PXMP2: variants seen among roughly 807,000 people sequenced by gnomAD.
PXMP2 encodes 22 kDa peroxisomal membrane protein.
A neutral mutation model predicts 20.2 loss-of-function variants in PXMP2; 13 were observed. The ratio of observed to expected loss-of-function variants is 0.64; its 90% CI spans 0.42 to 1.02. PXMP2 has a LOEUF of 1.02. Ranked by LOEUF, PXMP2 falls within the 50% of genes least tolerant of loss-of-function variation. The probability of loss-of-function intolerance (pLI) is 0.00; values close to 1 mark genes in which losing one functional copy is unlikely to be tolerated. For synonymous variants in PXMP2, 113 were observed against 111.2 expected (o/e 1.02, Z -0.10); for missense variants, 284 against 251.8 (o/e 1.13, Z -0.87).
intron 2 of PXMP2, among the ~76,000 whole-genome samples, chr12:132,693,677 G>T (rs75147887): frequency 1.9e-4 from 16 of 84,088 alleles, no homozygotes; most frequent in African/African-American, 3.9e-4. Context: ...GTTAGTGAGC[G>T]CCCTTGCCAG....
At chr12:132,689,241 G>A (rs1285655618) in intron 1 of PXMP2, among the ~76,000 whole-genome samples, 2 of 150,654 alleles carry the variant, frequency 1.3e-5, no homozygotes, top group Admixed American at 6.6e-5. Context: ...CCAGGGGAGC[G>A]GGTCCACATG....
At chr12:132,698,012 CTTTT>C (rs1434779260) in intron 3 of PXMP2, among the ~76,000 whole-genome samples, 1 of 140,242 alleles carries the variant, frequency 7.1e-6, no homozygotes, top group Non-Finnish European at 1.6e-5. Context: ...GACGTGTCAC[CTTTT>C]TTTTTTTTTT....
intron 1 of PXMP2, among the ~76,000 whole-genome samples, chr12:132,689,115 C>T (rs1431470251): frequency 2.3e-5 from 2 of 86,856 alleles, no homozygotes; most frequent in Non-Finnish European, 4.6e-5. Context: ...AAGACAGGGC[C>T]AAGGGAGCGG....
intron 3 of PXMP2, among the ~76,000 whole-genome samples, chr12:132,698,592 G>A (rs908210946): frequency 6.6e-6 from 1 of 152,122 alleles, no homozygotes; most frequent in Admixed American, 6.6e-5. Context: ...ATTTCCATCT[G>A]TACAGGCAAT....
At chr12:132,702,654 G>C (rs1349916058) in intron 4 of PXMP2, 1 of 196,274 alleles carries the variant, frequency 5.1e-6, no homozygotes. Context: ...AAAGACAGCA[G>C]CTGTGTGGAG....
intron 4 of PXMP2, 32 bp downstream of exon 4, chr12:132,701,401 A>AT: frequency 6.2e-7 from 1 of 1,607,436 alleles, no homozygotes; most frequent in Non-Finnish European, 8.5e-7. Context: ...CTCTGCTAAC[A>AT]TTACTTTGTC....
chr12:132,704,839 T>A lies in PXMP2; in HGVS notation c.*152T>A. 1.3e-6 allele frequency: 1 copy of A among 771,564 alleles called. No individual in the cohort carries two copies. Among genetic ancestry groups the A allele is most frequent in the Non-Finnish European group, 2.2e-6 (1 of 451,200 alleles). The allele number at this position is 771,564 out of a possible 1,614,324, so 47.8% of individuals were successfully genotyped here. A position where few individuals can be genotyped will look rare whatever the true frequency, so the allele number is the denominator to read the frequency against. On this transcript the variant is annotated 3_prime_UTR_variant, in exon 5 of 5. Transcript: ENST00000317479. ...AATGATGGATAGAGAAACAGAAATCTCTGAATGTCAGAACCCTGTCTTTTA... is the reference window on the plus strand; with the variant it reads ...AATGATGGATAGAGAAACAGAAATCACTGAATGTCAGAACCCTGTCTTTTA...
chr12:132,697,571 C>A (rs1198081672), intron 3 of PXMP2, among the ~76,000 whole-genome samples: 1 of 151,864 alleles, frequency 6.6e-6, no homozygotes, highest in Admixed American at 6.6e-5. Flanking sequence ...CCACACCCAG[C>A]TTATTTTTGT....
intron 2 of PXMP2, among the ~76,000 whole-genome samples, chr12:132,694,616 C>CCTTA (rs1323141554): frequency 8.9e-6 from 1 of 112,384 alleles, no homozygotes; most frequent in Non-Finnish European, 1.8e-5. Context: ...TAGTGAGCTC[C>CCTTA]CTTAGCTAGT....
At position 132,701,271 on chromosome 12, in the gene PXMP2, G is replaced by A. The variant is rs201360859; in HGVS notation, c.421G>A (p.Ala141Thr). The stretch of plus-strand genomic sequence containing the variant: ...GCAGGGGAAAGACGCCTCAGCCTTC[G>A]CCGCCAAGATGAGGGGGGGCTTCTG... ...FLEGKDASAF[A>T]AKMRGGFWPA... The change falls in exon 4 of 5, where the codon GCC (alanine) becomes ACC (threonine). Residue 141 changes from alanine (A) to threonine (T), a missense_variant. Coordinates refer to ENST00000317479, the MANE Select transcript of PXMP2 (RefSeq NM_018663.3). The A allele has an allele frequency of 1.4e-5, 23 of 1,613,018 alleles. No individual in the cohort carries two copies. Among genetic ancestry groups the A allele is most frequent in the African/African-American group, 5.3e-5 (4 of 74,852 alleles).
intron 3 of PXMP2, among the ~76,000 whole-genome samples, chr12:132,698,464 T>C (rs10870493): frequency 0.48 from 73,516 of 151,840 alleles, 18,650 homozygotes; most frequent in Non-Finnish European, 0.57. Flanking sequence ...CCTCCGGTAT[T>C]CTTATGGTTT....
At position 132,704,967 on chromosome 12, in the gene PXMP2, G is replaced by C; in HGVS notation, c.*280G>C. 1 of 520,482 alleles carries C rather than the reference G, an allele frequency of 1.9e-6. No homozygotes were observed. 32.2% of individuals were successfully genotyped at this position (520,482 alleles called of 1,614,324 possible). A position where few individuals can be genotyped will look rare whatever the true frequency, so the allele number is the denominator to read the frequency against. ...GGACCGAATTAGGATCACAATAAACGATAATGCAGGTTCTTCAATGGTGAC... is the reference window on the plus strand; with the variant it reads ...GGACCGAATTAGGATCACAATAAACCATAATGCAGGTTCTTCAATGGTGAC... On this transcript the variant is annotated 3_prime_UTR_variant, in exon 5 of 5. Transcript: ENST00000317479.
rs780152032 is a variant in PXMP2, at chr12:132,704,608, C to A, written c.520-11C>A. The A allele has an allele frequency of 4.2e-6, 6 of 1,436,094 alleles. No homozygotes were observed. The allele number at this position is 1,436,094 out of a possible 1,614,324, so 89.0% of individuals were successfully genotyped here. A position where few individuals can be genotyped will look rare whatever the true frequency, so the allele number is the denominator to read the frequency against. On this transcript the variant is annotated splice_polypyrimidine_tract_variant and intron_variant, in intron 4 of 4. Transcript: ENST00000317479. ...GCTGACCGTGGCCTGTTGGACTGTT[C>A]TTTTCGGCAGTTCCGGGTGCTCTTC...
At position 132,696,514 on chromosome 12, in the gene PXMP2, C is replaced by G. The variant is rs908833946; in HGVS notation, c.399+468C>G. On this transcript the variant is annotated intron_variant, in intron 3 of 4. Coordinates refer to ENST00000317479, the MANE Select transcript of PXMP2 (RefSeq NM_018663.3). This position sits in a 1 kb window ranked among gnomAD's most constrained non-coding sequence, Gnocchi z 4.4. ...TCTTGTCACTGTGTAAAGAAAGAAA[C>G]AGGCCGGGCACAGTGGCTCACACCT... is the stretch of plus-strand genomic sequence containing the variant. 6.6e-6 allele frequency among the ~76,000 whole-genome samples: 1 copy of G among 152,212 alleles called. No homozygotes were observed. Among genetic ancestry groups the G allele is most frequent in the Non-Finnish European group, 1.5e-5 (1 of 68,012 alleles).
At chr12:132,698,424 G>A (rs1463951888) in intron 3 of PXMP2, among the ~76,000 whole-genome samples, 1 of 152,162 alleles carries the variant, frequency 6.6e-6, no homozygotes, top group Non-Finnish European at 1.5e-5. Context: ...TTCCTTACAG[G>A]AAGATAATAG....
In PXMP2 at chr12:132,687,686, T is replaced by C. The variant is rs2043312726; in HGVS notation, c.16T>C (p.Ser6Pro). 1 of 1,179,656 alleles carries C rather than the reference T, an allele frequency of 8.5e-7. No homozygotes were observed. The highest frequency in any genetic ancestry group is 4.1e-5 in the East Asian group (1 of 24,356). The allele number at this position is 1,179,656 out of a possible 1,614,324, so 73.1% of individuals were successfully genotyped here. Reference protein sequence around the residue: MAPAASRLRAEAGLGA... With the variant: MAPAAPRLRAEAGLGA... ...TGGGGAGGCGATGGCGCCGGCCGCG[T>C]CCAGGCTGCGGGCCGAAGCCGGGCT... The change falls in exon 1 of 5, where the codon TCC becomes CCC. Residue 6 changes from serine to proline, a missense_variant. Physicochemically the swap from Ser to Pro is moderately conservative, Grantham distance 74. Transcript: ENST00000317479.
chr12:132,694,609 TGAGCTCCCTTAGCTAGTTAGA>T (rs2043398058), intron 2 of PXMP2, among the ~76,000 whole-genome samples: 1 of 115,480 alleles, frequency 8.7e-6, no homozygotes, highest in South Asian at 3.1e-4. Flanking sequence ...AGCCAGTTAG[TGAGCTCCCTTAGCTAGTTAGA>T]GAGCTCCCTT....
intron 1 of PXMP2, among the ~76,000 whole-genome samples, chr12:132,688,995 C>T (rs1381400461): frequency 3.6e-5 from 1 of 27,754 alleles, no homozygotes; most frequent in Non-Finnish European, 6.6e-5. Flanking sequence ...GTGAAGACAG[C>T]GCCAGGGGAG....
intron 2 of PXMP2, among the ~76,000 whole-genome samples, chr12:132,694,307 T>G (rs1247208724): frequency 9.3e-6 from 1 of 107,186 alleles, no homozygotes; most frequent in East Asian, 2.8e-4. Context: ...GCCAGTTAGT[T>G]AGTGAGCTCC....
Sources: gnomAD v4.1 joint callset for allele counts (sites outside exome capture counted in the v4.1 genomes callset) on GRCh38, gnomAD v4.1.1 for gene constraint, Gnocchi (gnomAD v3.1) non-coding constraint, MANE v1.5 for transcripts, NCBI Gene and HGNC (gene_info 2026-07-23, HGNC 2026-07-21) for gene names.